TRIOBP: variants seen among roughly 807,000 people sequenced by gnomAD.
TRIOBP encodes the protein TRIO and F-actin-binding protein.
Under a neutral mutation model 238.8 loss-of-function variants are expected in TRIOBP, and 169 were observed. That is an observed-to-expected ratio of 0.71 (90% CI 0.62 to 0.80). TRIOBP has a LOEUF of 0.80. TRIOBP is among the 30% of genes least tolerant of loss of function. TRIOBP has a pLI of 0.00. For synonymous variants in TRIOBP, 1,150 were observed against 1,274.4 expected (o/e 0.90, Z 2.08); for missense variants, 2,838 against 3,122.6 (o/e 0.91, Z 2.17).
At chr22:37,741,693 T>C (rs1412352232) in intron 11 of TRIOBP, among the ~76,000 whole-genome samples, 3 of 152,172 alleles carry the variant, frequency 2.0e-5, no homozygotes, top group Non-Finnish European at 4.4e-5. Context: ...AGTGTGCCCA[T>C]TTTACAGATG....
intron 10 of TRIOBP, 151 bp downstream of exon 10, chr22:37,738,870 GAA>G (rs1924807745): frequency 4.6e-6 from 4 of 868,198 alleles, no homozygotes; most frequent in Non-Finnish European, 7.5e-6. Flanking sequence ...GGGGCCTTAA[GAA>G]GAGGGGCTCT....
chr22:37,716,873 T>C (rs1923549332), intron 6 of TRIOBP, among the ~76,000 whole-genome samples: 1 of 152,228 alleles, frequency 6.6e-6, no homozygotes, highest in Non-Finnish European at 1.5e-5. Context: ...TTGCAGGCAC[T>C]GTAGCAATAA....
intron 11 of TRIOBP, chr22:37,750,974 C>G: frequency 2.7e-6 from 1 of 370,346 alleles, no homozygotes; most frequent in Non-Finnish European, 5.6e-6. Context: ...GCGCCAGGAG[C>G]GGAGACTGCA....
Position 37,740,946 on chromosome 22 carries a change from C to CTGG in TRIOBP, c.5239_5241dup (p.Val1747dup). 1 of 1,568,746 alleles carries CTGG rather than the reference C, an allele frequency of 6.4e-7. No individual in the cohort carries two copies. Among genetic ancestry groups the CTGG allele is most frequent in the South Asian group, 1.2e-5 (1 of 85,258 alleles). On this transcript the variant is annotated inframe_insertion, in exon 11 of 24. Transcript: ENST00000644935. ...GGCTGGGAGCCCGCTCAAGGGCCGA[C>CTGG]TGGTGACCTCATGGCGGATGCCCGG... is the stretch of plus-strand genomic sequence containing the variant.
chr22:37,732,611 CTT>C (rs1924481180), intron 7 of TRIOBP, among the ~76,000 whole-genome samples: 2 of 151,666 alleles, frequency 1.3e-5, no homozygotes, highest in Non-Finnish European at 2.9e-5. Flanking sequence ...GCTCAGAGCT[CTT>C]TTGCCAACAG....
intron 18 of TRIOBP, among the ~76,000 whole-genome samples, 186 bp downstream of exon 18, chr22:37,766,003 C>G (rs1395141309): frequency 6.6e-6 from 1 of 152,168 alleles, no homozygotes; most frequent in Non-Finnish European, 1.5e-5. Flanking sequence ...AAAAGGGAAA[C>G]TGAGGCAGTA....
At chr22:37,701,112 T>A (rs1315359124) in intron 2 of TRIOBP, among the ~76,000 whole-genome samples, 194 bp from the exon 3 acceptor site, 1 of 152,182 alleles carries the variant, frequency 6.6e-6, no homozygotes, top group Non-Finnish European at 1.5e-5. Context: ...GAGTGCCTGG[T>A]GCTTAGTAGG....
chr22:37,755,763 G>A lies in TRIOBP; in HGVS notation c.5687+104G>A, dbSNP rs367640007. ...GAGGGCTGCACCTTTCTGGGCCCTCGTTTCTCTGTCAACAACATGGGAAGA... is the reference window on the plus strand; with the variant it reads ...GAGGGCTGCACCTTTCTGGGCCCTCATTTCTCTGTCAACAACATGGGAAGA... On this transcript the variant is annotated intron_variant, in intron 15 of 23. Coordinates refer to ENST00000644935, the MANE Select transcript of TRIOBP (RefSeq NM_001039141.3). 1.0e-4 allele frequency: 94 copies of A among 916,130 alleles called. 1 individual carries two copies. Among genetic ancestry groups the A allele is most frequent in the South Asian group, 5.9e-4 (43 of 72,426 alleles). The allele number at this position is 916,130 out of a possible 1,614,324, so 56.8% of individuals were successfully genotyped here.
intron 21 of TRIOBP, among the ~76,000 whole-genome samples, chr22:37,770,535 G>C (rs926291175): frequency 1.3e-5 from 2 of 149,818 alleles, no homozygotes; most frequent in African/African-American, 4.9e-5. Context: ...GTGCCACCTC[G>C]CCTGGATAAT....
chr22:37,759,215 C>T lies in TRIOBP; in HGVS notation c.6275C>T (p.Ala2092Val), dbSNP rs1482215472. The T allele has an allele frequency of 2.5e-6, 4 of 1,613,138 alleles. No individual in the cohort carries two copies. Among genetic ancestry groups the T allele is most frequent in the Admixed American group, 1.7e-5 (1 of 60,024 alleles). The part of the protein sequence containing the change: ...WRLQGEAPQS[A>V]LRSQEDGHIP... Reference sequence around the variant, plus strand: ...CTCCAAGGGGAGGCTCCTCAGAGTGCACTGAGATCCCAGGAGGATGGCCAC... The same window carrying T: ...CTCCAAGGGGAGGCTCCTCAGAGTGTACTGAGATCCCAGGAGGATGGCCAC... The change falls in exon 17 of 24, where the codon GCA (alanine) becomes GTA (valine). Residue 2092 changes from alanine to valine, a missense_variant. Physicochemically the swap from Ala to Val is moderately conservative, Grantham distance 64 (BLOSUM62 0). Transcript: ENST00000644935.
At position 37,700,592 on chromosome 22, in the gene TRIOBP, T is replaced by C. The variant is rs1292977499; in HGVS notation, c.-60-714T>C. On this transcript the variant is annotated intron_variant, in intron 2 of 23. Coordinates refer to ENST00000644935, the MANE Select transcript of TRIOBP (RefSeq NM_001039141.3). Reference sequence around the variant, plus strand: ...CCACCTTGCCCAGCTAATTTTTGTATTTTTTGTAGAGACGGAGTTTCGCCA... The same window carrying C: ...CCACCTTGCCCAGCTAATTTTTGTACTTTTTGTAGAGACGGAGTTTCGCCA... 2.6e-5 allele frequency among the ~76,000 whole-genome samples: 4 copies of C among 152,298 alleles called. No individual in the cohort carries two copies. The South Asian group carries it at 8.3e-4, about 32-fold the overall frequency.
rs1278707705 is a variant in TRIOBP at position 37,710,682 on chromosome 22, A to G, written c.254+116A>G. 3.5e-6 allele frequency: 5 copies of G among 1,409,988 alleles called. No individual in the cohort carries two copies. In the African/African-American group the frequency reaches 7.1e-5, roughly 20 times the overall value. The allele number at this position is 1,409,988 out of a possible 1,614,324, so 87.3% of individuals were successfully genotyped here. A position where few individuals can be genotyped will look rare whatever the true frequency, so the allele number is the denominator to read the frequency against. ...TCTCTAATGGCTGCTGGCATGGGTC[A>G]CGTGGTCAGTCCTCTAAACCTAGGC... On this transcript the variant is annotated intron_variant, in intron 4 of 23. Transcript: ENST00000644935.
intron 11 of TRIOBP, among the ~76,000 whole-genome samples, chr22:37,750,251 C>A (rs764115689): frequency 6.6e-6 from 1 of 152,260 alleles, no homozygotes; most frequent in Non-Finnish European, 1.5e-5. Flanking sequence ...CCCAATCTCC[C>A]AGCCCTGGCC....
intron 8 of TRIOBP, 145 bp downstream of exon 8, chr22:37,733,557 C>G (rs924473529): frequency 1.5e-6 from 1 of 670,852 alleles, no homozygotes; most frequent in Non-Finnish European, 2.7e-6. Flanking sequence ...CAGCTCTCCC[C>G]TCTCCCCAAC....
intron 7 of TRIOBP, among the ~76,000 whole-genome samples, chr22:37,730,313 T>C (rs1029617038): frequency 2.6e-5 from 4 of 152,170 alleles, no homozygotes; most frequent in African/African-American, 7.2e-5. Context: ...CAGGTCTCTG[T>C]TGGGGTTTCA....
At chr22:37,729,247 T>G (rs1161378362) in intron 7 of TRIOBP, among the ~76,000 whole-genome samples, 1 of 151,888 alleles carries the variant, frequency 6.6e-6, no homozygotes, top group Non-Finnish European at 1.5e-5. Context: ...AACAGGGTCT[T>G]GCTTTGTCAC....
At position 37,757,911 on chromosome 22, in the gene TRIOBP, A is replaced by G; in HGVS notation, c.5986A>G (p.Arg1996Gly). 1 of 1,553,604 alleles carries G rather than the reference A, an allele frequency of 6.4e-7. No homozygotes were observed. Among genetic ancestry groups the G allele is most frequent in the Non-Finnish European group, 8.7e-7 (1 of 1,148,912 alleles). The change falls in exon 16 of 24, where the codon AGG (arginine) becomes GGG (glycine). Residue 1996 changes from arginine (R) to glycine (G), a missense_variant. Physicochemically the swap from Arg to Gly is moderately radical, Grantham distance 125. Coordinates refer to ENST00000644935, the MANE Select transcript of TRIOBP (RefSeq NM_001039141.3). Reference sequence around the variant, plus strand: ...CAAGTGGTTTGAGGCCACAGACAGCAGGACCCCAGAGGTGCCTGCTGGTGA... The same window carrying G: ...CAAGTGGTTTGAGGCCACAGACAGCGGGACCCCAGAGGTGCCTGCTGGTGA... ...RRKWFEATDSRTPEVPAGEGP... is the reference protein window; with the variant it reads ...RRKWFEATDSGTPEVPAGEGP...
Position 37,726,384 on chromosome 22 carries a change from G to A in TRIOBP, c.3828G>A (p.Leu1276=), listed in dbSNP as rs1366398933. ...AGGAGTACACTGTGCTGGCCGACCT[G>A]CCCCCACCCAGGAGGCTGGCCCAGA... ...EREEYTVLAD[L]PPPRRLAQRQ... is the part of the protein sequence containing the mutation. Residue 1276 remains leucine, a synonymous_variant, in exon 7 of 24, where the codon CTG becomes CTA. Coordinates refer to ENST00000644935, the MANE Select transcript of TRIOBP (RefSeq NM_001039141.3). 1.3e-6 allele frequency: 2 copies of A among 1,589,536 alleles called. No individual in the cohort carries two copies. Among genetic ancestry groups the A allele is most frequent in the East Asian group, 2.2e-5 (1 of 44,540 alleles).
At chr22:37,703,768 G>T (rs1922784727) in intron 3 of TRIOBP, among the ~76,000 whole-genome samples, 1 of 151,938 alleles carries the variant, frequency 6.6e-6, no homozygotes, top group South Asian at 2.1e-4. Flanking sequence ...ACCTCCCAAA[G>T]TGCTGGGATT....
Sources: allele counts gnomAD v4.1 joint callset (sites outside exome capture counted in the v4.1 genomes callset), GRCh38; gene constraint gnomAD v4.1.1; transcripts MANE v1.5; gene names NCBI Gene and HGNC (gene_info 2026-07-23, HGNC 2026-07-21).